The following NLN variants were observed in gnomAD, a reference collection of about 807,000 sequenced individuals.
The protein encoded by NLN is neurolysin.
In NLN, 64 loss-of-function variants were observed where a neutral mutation model predicts 79.9. The ratio of observed to expected loss-of-function variants is 0.80; its 90% CI spans 0.65 to 0.99. The LOEUF (loss-of-function observed/expected upper bound fraction) is 0.99, where lower values mean the gene tolerates loss of function less well. Among genes scored for constraint, NLN ranks in the 50% least tolerant of loss-of-function variants. NLN has a pLI of 0.00. For synonymous variants in NLN, 267 were observed against 296.6 expected (o/e 0.90, Z 1.02); for missense variants, 835 against 858.7 (o/e 0.97, Z 0.34).
At chr5:65,731,122 C>T (rs1401634506) in intron 1 of NLN, among the ~76,000 whole-genome samples, 1 of 152,184 alleles carries the variant, frequency 6.6e-6, no homozygotes, top group Non-Finnish European at 1.5e-5. Context: ...TGTAGGATGG[C>T]CACAGCTGGG....
At chr5:65,727,350 T>C (rs896839071) in intron 1 of NLN, among the ~76,000 whole-genome samples, 10 of 152,082 alleles carry the variant, frequency 6.6e-5, no homozygotes, top group Non-Finnish European at 1.5e-4. Context: ...AAAAATTGTT[T>C]GTAGAGATAG....
At chr5:65,733,613 C>T (rs543571583) in intron 1 of NLN, 2 of 1,498,808 alleles carry the variant, frequency 1.3e-6, no homozygotes, top group African/African-American at 1.5e-5. Context: ...CTTCCTGTGG[C>T]TCATGGCCAT....
At chr5:65,748,592 C>T (rs1759035560) in intron 1 of NLN, among the ~76,000 whole-genome samples, 2 of 152,070 alleles carry the variant, frequency 1.3e-5, no homozygotes. Context: ...AACCCCATCT[C>T]TACAGGAATT....
At chr5:65,812,421 T>C (rs1166296578) in intron 12 of NLN, 30 bp downstream of exon 12, 4 of 1,426,904 alleles carry the variant, frequency 2.8e-6, no homozygotes, top group Non-Finnish European at 3.9e-6. Flanking sequence ...CTTTTATTAA[T>C]TTTGTAGTTG....
intron 6 of NLN, among the ~76,000 whole-genome samples, chr5:65,782,447 A>G (rs766066206): frequency 2.0e-5 from 3 of 152,222 alleles, no homozygotes; most frequent in African/African-American, 7.2e-5. Flanking sequence ...ATACCCAAAT[A>G]TCACTTTTGG....
At chr5:65,753,966 A>G (rs1759159815) in intron 1 of NLN, among the ~76,000 whole-genome samples, 1 of 152,024 alleles carries the variant, frequency 6.6e-6, no homozygotes. Context: ...CATCTTTATT[A>G]TTTTGCACCA....
intron 2 of NLN, among the ~76,000 whole-genome samples, chr5:65,761,474 TAG>T (rs1759338578): frequency 6.6e-6 from 1 of 151,992 alleles, no homozygotes; most frequent in Non-Finnish European, 1.5e-5. Context: ...GTACTTTTAG[TAG>T]AGACAGGATT....
intron 1 of NLN, among the ~76,000 whole-genome samples, chr5:65,743,550 T>C (rs1758912353): frequency 6.6e-6 from 1 of 152,172 alleles, no homozygotes. Flanking sequence ...TAGCCAATAA[T>C]GATAAAAAAT....
chr5:65,785,615 A>C (rs1029221307), intron 6 of NLN, among the ~76,000 whole-genome samples, 160 bp from the exon 7 acceptor site: 3 of 151,884 alleles, frequency 2.0e-5, no homozygotes, highest in African/African-American at 7.2e-5. Context: ...CAAAAAAAAA[A>C]AAAAAAGCCT....
chr5:65,753,650 C>CAA (rs759112884), intron 1 of NLN, among the ~76,000 whole-genome samples: 14 of 89,096 alleles, frequency 1.6e-4, no homozygotes, highest in Non-Finnish European at 1.4e-4. Flanking sequence ...ACTCTATCTC[C>CAA]AAAAAAAAAA....
Position 65,762,942 on chromosome 5 carries a change from T to A in NLN, c.302-18T>A. 1 of 1,611,854 alleles carries A rather than the reference T, an allele frequency of 6.2e-7. No homozygotes were observed. Among genetic ancestry groups the A allele is most frequent in the Non-Finnish European group, 8.5e-7 (1 of 1,178,998 alleles). The stretch of plus-strand genomic sequence containing the variant: ...ACAAGTCCTGTTGTGTGGTGATAGT[T>A]TTTTTCTCCATCTGCAGTGGAAAGG... On this transcript the variant is annotated intron_variant, in intron 2 of 12. Coordinates refer to ENST00000380985, the MANE Select transcript of NLN (RefSeq NM_020726.5).
intron 12 of NLN, among the ~76,000 whole-genome samples, chr5:65,816,818 T>C (rs999610758): frequency 2.6e-5 from 4 of 152,126 alleles, no homozygotes; most frequent in Non-Finnish European, 4.4e-5. Context: ...CCTGCAGACT[T>C]TGTTGTCTCA....
At chr5:65,772,698 TTTTTG>T (rs1442304037) in intron 3 of NLN, among the ~76,000 whole-genome samples, 1 of 151,850 alleles carries the variant, frequency 6.6e-6, no homozygotes, top group African/African-American at 2.4e-5. Context: ...GGTTTTGGGG[TTTTTG>T]TTTTGTTTTT....
chr5:65,739,653 T>C (rs1169200784), intron 1 of NLN, among the ~76,000 whole-genome samples: 1 of 152,222 alleles, frequency 6.6e-6, no homozygotes, highest in Non-Finnish European at 1.5e-5. Flanking sequence ...GGTTCCCTTT[T>C]CTCCACCAAA....
At chr5:65,792,942 T>C (rs1395153702) in intron 9 of NLN, 1 of 442,730 alleles carries the variant, frequency 2.3e-6, no homozygotes, top group Non-Finnish European at 4.3e-6. Flanking sequence ...TTTTTCCTTT[T>C]AATCCTTTAG....
intron 1 of NLN, among the ~76,000 whole-genome samples, chr5:65,727,772 G>T (rs906394951): frequency 1.3e-5 from 2 of 151,980 alleles, no homozygotes; most frequent in Non-Finnish European, 2.9e-5. Flanking sequence ...TTTGTTTTTT[G>T]GTTTTTGTTT....
At chr5:65,818,507 A>T (rs1760722759) in intron 12 of NLN, among the ~76,000 whole-genome samples, 3 of 152,070 alleles carry the variant, frequency 2.0e-5, no homozygotes, top group Admixed American at 1.3e-4. Flanking sequence ...ACCTCTTCTA[A>T]TCAGGCAACA....
At position 65,800,663 on chromosome 5, in the gene NLN, C is replaced by CTTT. The variant is rs10639871; in HGVS notation, c.1527+8010_1527+8011insTTT. Among the ~76,000 whole-genome samples, 252 of 142,974 alleles carry CTTT rather than the reference C, an allele frequency of 1.8e-3. 3 individuals carry two copies. The highest frequency in any genetic ancestry group is 2.2e-3 in the Non-Finnish European group (145 of 66,236). The allele number at this position is 142,974 out of a possible 152,430, so 93.8% of individuals were successfully genotyped here. On this transcript the variant is annotated intron_variant, in intron 9 of 12. Transcript: ENST00000380985. ...TAGCTTGGATAGTGAAGAAAACTCT[C>CTTT]TTATTTATTTATTTATTTATTTATT...
rs572354124 is a variant in NLN, at chr5:65,816,535, TA to T, written c.1980+4158del. ...GTACTCGTACCCCGAACGTAAAAGTTAAAAAAAAAAAAAAGAAACAGAAAAA... is the reference window on the plus strand; with the variant it reads ...GTACTCGTACCCCGAACGTAAAAGTTAAAAAAAAAAAAAGAAACAGAAAAA... On this transcript the variant is annotated intron_variant, in intron 12 of 12. Coordinates refer to ENST00000380985, the MANE Select transcript of NLN (RefSeq NM_020726.5). Among the ~76,000 whole-genome samples, 743 of 136,518 alleles carry T rather than the reference TA, an allele frequency of 5.4e-3. 1 individual carries two copies. Among genetic ancestry groups the T allele is most frequent in the Middle Eastern group, 7.6e-3 (2 of 262 alleles). The allele number at this position is 136,518 out of a possible 152,430, so 89.6% of individuals were successfully genotyped here.
Sources: allele counts gnomAD v4.1 joint callset (sites outside exome capture counted in the v4.1 genomes callset), GRCh38; gene constraint gnomAD v4.1.1; transcripts MANE v1.5; gene names NCBI Gene and HGNC (gene_info 2026-07-23, HGNC 2026-07-21).